CLVS1: variants seen among roughly 807,000 people sequenced by gnomAD.
The protein encoded by CLVS1 is clavesin-1.
In CLVS1, 10 loss-of-function variants were observed where a neutral mutation model predicts 33.1. The ratio of observed to expected loss-of-function variants is 0.30; its 90% CI spans 0.19 to 0.51. The LOEUF is 0.51. CLVS1 is among the 20% of genes least tolerant of loss of function. The pLI is 0.97. For synonymous variants in CLVS1, 163 were observed against 166.1 expected (o/e 0.98, Z 0.14); for missense variants, 343 against 433.4 (o/e 0.79, Z 1.85).
At chr8:61,302,822 A>C (rs1380413059) in intron 2 of CLVS1, among the ~76,000 whole-genome samples, 1 of 152,194 alleles carries the variant, frequency 6.6e-6, no homozygotes, top group Non-Finnish European at 1.5e-5. Flanking sequence ...GGCCTCAGGA[A>C]ACTTATAATC....
chr8:61,381,694 A>AT (rs892950321), intron 3 of CLVS1, among the ~76,000 whole-genome samples: 3 of 152,032 alleles, frequency 2.0e-5, no homozygotes, highest in African/African-American at 7.2e-5. Flanking sequence ...GAGGTATTTG[A>AT]TTTTTTGTTC....
At chr8:61,123,402 GA>G (rs1240414189) in intron 1 of CLVS1, among the ~76,000 whole-genome samples, 1 of 152,094 alleles carries the variant, frequency 6.6e-6, no homozygotes, top group Non-Finnish European at 1.5e-5. Flanking sequence ...TCCTGATTTA[GA>G]GTAAAACATT....
At chr8:61,358,170 A>G (rs548961146) in intron 2 of CLVS1, among the ~76,000 whole-genome samples, 55 of 152,344 alleles carry the variant, frequency 3.6e-4, no homozygotes, top group African/African-American at 1.3e-3. Context: ...TAATTTAAAG[A>G]CTTCTTCACC....
intron 3 of CLVS1, among the ~76,000 whole-genome samples, chr8:61,439,893 C>T (rs1006814820): frequency 6.6e-6 from 1 of 152,184 alleles, no homozygotes; most frequent in Admixed American, 6.5e-5. Context: ...TAAAGACGCT[C>T]AAACATAGTC....
At chr8:60,992,305 A>T in the CLVS1 span, among the ~76,000 whole-genome samples, 2 of 152,124 alleles carry the variant, frequency 1.3e-5, no homozygotes, top group African/African-American at 4.8e-5. Context: ...CCTATTTCCA[A>T]GCTTCGTATT....
intron 1 of CLVS1, among the ~76,000 whole-genome samples, chr8:61,111,024 C>G (rs1274100477): frequency 6.6e-6 from 1 of 152,124 alleles, no homozygotes; most frequent in Non-Finnish European, 1.5e-5. Context: ...TCTTTAAGAT[C>G]CACTTTCTCA....
chr8:61,470,531 A>G (rs1472194630), intron 5 of CLVS1, among the ~76,000 whole-genome samples: 1 of 152,216 alleles, frequency 6.6e-6, no homozygotes. Flanking sequence ...AAAGGGAGAT[A>G]TAGCCTAGGC....
At chr8:61,233,509 CAAA>C (rs35418716) in intron 2 of CLVS1, among the ~76,000 whole-genome samples, 4 of 97,098 alleles carry the variant, frequency 4.1e-5, no homozygotes, top group Non-Finnish European at 7.5e-5. Context: ...GACTCTGTAT[CAAA>C]AAAAAAAAAA....
chr8:61,166,733 T>C (rs1806873776), intron 2 of CLVS1, among the ~76,000 whole-genome samples: 1 of 152,070 alleles, frequency 6.6e-6, no homozygotes, highest in African/African-American at 2.4e-5. Context: ...CCCTTTAAAA[T>C]GCAAATTTCA....
At chr8:61,461,644 T>C (rs1586007814) in intron 5 of CLVS1, among the ~76,000 whole-genome samples, 3 of 152,228 alleles carry the variant, frequency 2.0e-5, no homozygotes, top group Admixed American at 2.0e-4. Flanking sequence ...CTCATTGCTT[T>C]GCATTTGGGT....
intron 1 of CLVS1, among the ~76,000 whole-genome samples, chr8:61,104,502 T>C (rs1054736475): frequency 1.3e-5 from 2 of 152,214 alleles, no homozygotes; most frequent in Non-Finnish European, 2.9e-5. Context: ...TTATGAAAGA[T>C]GTATATTGTT....
At chr8:61,129,187 C>G (rs1363255081) in intron 1 of CLVS1, among the ~76,000 whole-genome samples, 1 of 152,210 alleles carries the variant, frequency 6.6e-6, no homozygotes, top group African/African-American at 2.4e-5. Context: ...TGAAGAGTAA[C>G]TCATGGTTGC....
intron 2 of CLVS1, among the ~76,000 whole-genome samples, chr8:61,224,937 C>G (rs1563452343): frequency 6.6e-6 from 1 of 152,168 alleles, no homozygotes; most frequent in Non-Finnish European, 1.5e-5. Flanking sequence ...CACGAATTCT[C>G]TTTTGTAGCT....
intron 2 of CLVS1, among the ~76,000 whole-genome samples, chr8:61,244,115 G>A (rs976412506): frequency 2.6e-5 from 4 of 152,094 alleles, no homozygotes; most frequent in African/African-American, 9.7e-5. Flanking sequence ...ATGACTGCTT[G>A]TTTTAGCTTT....
rs756911932 is a variant in CLVS1, at chr8:61,300,224, C to T, written c.397C>T (p.Arg133Ter). 7 of 1,613,774 alleles carry T rather than the reference C, an allele frequency of 4.3e-6. No individual in the cohort carries two copies. Among genetic ancestry groups the T allele is most frequent in the African/African-American group, 4.0e-5 (3 of 74,866 alleles). ...IDGFPGVLEN[R>*]DHYGRKILLL... is the part of the protein sequence containing the mutation. ...TGGGTTCCCCGGGGTGCTGGAAAAC[C>T]GAGACCATTACGGCAGGAAGATTCT... Residue 133 changes from arginine (R) to a stop codon, truncating the protein, a stop_gained, in exon 2 of 6, where the codon CGA becomes TGA. Coordinates refer to ENST00000325897, the MANE Select transcript of CLVS1 (RefSeq NM_173519.3). LOFTEE classifies it high-confidence loss of function.
At chr8:61,293,328 C>T (rs768998486) in intron 1 of CLVS1, among the ~76,000 whole-genome samples, 6 of 152,160 alleles carry the variant, frequency 3.9e-5, no homozygotes, top group Non-Finnish European at 8.8e-5. Context: ...AATTCAGGGT[C>T]ACTTTTTACC....
chr8:61,207,392 A>T (rs9692737), intron 2 of CLVS1, among the ~76,000 whole-genome samples: 1 of 32,666 alleles, frequency 3.1e-5, no homozygotes. Flanking sequence ...GGGATGTGCA[A>T]AGGTGCATGG....
chr8:61,489,348 G>C (rs1457306802), intron 5 of CLVS1, among the ~76,000 whole-genome samples: 1 of 152,190 alleles, frequency 6.6e-6, no homozygotes, highest in Non-Finnish European at 1.5e-5. Context: ...TAGCACAAGA[G>C]ATAGTGCTTA....
chr8:61,335,837 C>A (rs899196057), intron 2 of CLVS1, among the ~76,000 whole-genome samples: 3 of 152,116 alleles, frequency 2.0e-5, no homozygotes, highest in African/African-American at 7.2e-5. Context: ...TCAAAGCATC[C>A]CAGATGGGGC....
Sources: allele counts gnomAD v4.1 joint callset (sites outside exome capture counted in the v4.1 genomes callset), GRCh38; gene constraint gnomAD v4.1.1; transcripts MANE v1.5; gene names NCBI Gene and HGNC (gene_info 2026-07-23, HGNC 2026-07-21).